Variants in CCDC88A observed in about 807,000 individuals in gnomAD.
CCDC88A encodes the protein coiled-coil and HOOK domain protein 88A.
CCDC88A carries 54 observed loss-of-function variants against 234.3 expected under a neutral mutation model. The ratio of observed to expected loss-of-function variants is 0.23; its 90% CI spans 0.19 to 0.29. The LOEUF (loss-of-function observed/expected upper bound fraction) is 0.29, where lower values mean the gene tolerates loss of function less well. Among genes scored for constraint, CCDC88A ranks in the 10% least tolerant of loss-of-function variants. CCDC88A has a pLI of 1.00. For missense variants in CCDC88A, 1,832 were observed against 2,123.4 expected, an observed-to-expected ratio of 0.86 and a Z score of 2.70; for synonymous variants, 753 against 737.8, an observed-to-expected ratio of 1.02 and a Z score of -0.33.
chr2:55,407,093 A>G (rs2104967825), intron 2 of CCDC88A, among the ~76,000 whole-genome samples: 1 of 152,268 alleles, frequency 6.6e-6, no homozygotes. Context: ...ATACACCTAT[A>G]GTCCCAGCTA....
chr2:55,355,166 C>T (rs3975804), intron 8 of CCDC88A, among the ~76,000 whole-genome samples: 10,143 of 151,802 alleles, frequency 0.067, 1,089 homozygotes, highest in African/African-American at 0.22. Context: ...TAGTATAATG[C>T]GAAGAACTCA....
At chr2:55,325,807 T>C (rs1466378175) in intron 17 of CCDC88A, among the ~76,000 whole-genome samples, 1 of 152,232 alleles carries the variant, frequency 6.6e-6, no homozygotes, top group Non-Finnish European at 1.5e-5. Flanking sequence ...ATCTCTGTTA[T>C]TAGGTGCATA....
At chr2:55,355,893 T>C (rs1670506972) in intron 7 of CCDC88A, 142 bp from the exon 8 acceptor site, 1 of 597,264 alleles carries the variant, frequency 1.7e-6, no homozygotes, top group Non-Finnish European at 2.8e-6. Context: ...TCATATTTAG[T>C]TGTCATTCTT....
chr2:55,344,597 C>T, intron 10 of CCDC88A, 83 bp from the exon 11 acceptor site: 2 of 760,542 alleles, frequency 2.6e-6, no homozygotes, highest in Non-Finnish European at 3.9e-6. Flanking sequence ...AAACATTAAG[C>T]CATCTTTATC....
chr2:55,355,465 T>A (rs201218483), intron 8 of CCDC88A, 114 bp downstream of exon 8: 1 of 879,618 alleles, frequency 1.1e-6, no homozygotes, highest in Non-Finnish European at 1.8e-6. Context: ...TTTTTCTCAT[T>A]TACTTGTGAA....
At chr2:55,380,292 G>A (rs1372764438) in intron 3 of CCDC88A, among the ~76,000 whole-genome samples, 2 of 151,950 alleles carry the variant, frequency 1.3e-5, no homozygotes, top group Admixed American at 6.6e-5. Context: ...ATTGGTGGAG[G>A]TGGAGATGAG....
chr2:55,411,204 T>C (rs1680426666), intron 2 of CCDC88A, among the ~76,000 whole-genome samples: 1 of 152,164 alleles, frequency 6.6e-6, no homozygotes, highest in Admixed American at 6.5e-5. Flanking sequence ...TCAAACTGTT[T>C]CATGGATCCT....
chr2:55,362,471 A>C (rs780771681), intron 6 of CCDC88A, 23 bp from the exon 7 acceptor site: 1 of 1,589,994 alleles, frequency 6.3e-7, no homozygotes, highest in Non-Finnish European at 8.5e-7. Context: ...GACCAAAATA[A>C]ACAACCAAAA....
In CCDC88A at chr2:55,322,529, T is replaced by C. The variant is rs945804470; in HGVS notation, c.3161A>G (p.Asn1054Ser). 59 of 1,557,778 alleles carry C rather than the reference T, an allele frequency of 3.8e-5. No homozygotes were observed. Among genetic ancestry groups the C allele is most frequent in the Non-Finnish European group, 5.1e-5 (58 of 1,139,488 alleles). ...CTACTAAAATTTAAAAATACTTACATTTCTTTCTACTTCAATTAATCTGTC... is the reference window on the plus strand; with the variant it reads ...CTACTAAAATTTAAAAATACTTACACTTCTTTCTACTTCAATTAATCTGTC... ...VKDRLIEVERNNATLQAEKQA... is the reference protein window; with the variant it reads ...VKDRLIEVERSNATLQAEKQA... Residue 1054 changes from asparagine (N) to serine (S), a missense_variant and splice_region_variant, in exon 18 of 33, where the codon AAT becomes AGT. Physicochemically the swap from Asn to Ser is conservative, Grantham distance 46. Coordinates refer to ENST00000436346, the MANE Select transcript of CCDC88A (RefSeq NM_001365480.1).
At chr2:55,378,660 T>C (rs1674085451) in intron 3 of CCDC88A, among the ~76,000 whole-genome samples, 1 of 152,182 alleles carries the variant, frequency 6.6e-6, no homozygotes, top group African/African-American at 2.4e-5. Flanking sequence ...ATTATACAAA[T>C]TTTTAAAAAG....
chr2:55,391,008 T>C (rs1279880638), intron 2 of CCDC88A, among the ~76,000 whole-genome samples: 1 of 152,154 alleles, frequency 6.6e-6, no homozygotes, highest in Non-Finnish European at 1.5e-5. Context: ...AAGAAAATTT[T>C]GGCTAAACAC....
chr2:55,377,464 T>TC (rs1019892885), intron 3 of CCDC88A, among the ~76,000 whole-genome samples: 23 of 151,764 alleles, frequency 1.5e-4, no homozygotes, highest in Admixed American at 1.0e-3. Flanking sequence ...AGCGAGATTT[T>TC]TTTTTTAAAT....
At chr2:55,302,208 T>A in intron 26 of CCDC88A, 136 bp from the exon 27 acceptor site, 2 of 668,602 alleles carry the variant, frequency 3.0e-6, no homozygotes, top group Non-Finnish European at 5.1e-6. Context: ...CACATGGTCA[T>A]TTAAATTATG....
chr2:55,301,571 T>C, intron 27 of CCDC88A: 1 of 513,216 alleles, frequency 1.9e-6, no homozygotes, highest in South Asian at 2.7e-5. Flanking sequence ...GAAGTTGTAG[T>C]GCTTTTAGTT....
Position 55,388,884 on chromosome 2 carries a change from T to C in CCDC88A, c.167A>G (p.Asn56Ser), listed in dbSNP as rs773570425. The C allele has an allele frequency of 8.2e-7, 1 of 1,218,386 alleles. No individual in the cohort carries two copies. The highest frequency in any genetic ancestry group is 1.4e-5 in the South Asian group (1 of 70,402). The allele number at this position is 1,218,386 out of a possible 1,614,324, so 75.5% of individuals were successfully genotyped here. ...TACTCTCTGACTCTCCAATTTAGGA[T>C]TACTGTAAGAAATACAAAAATACTT... The part of the protein sequence containing the change: ...VFLNQVMLQI[N>S]PKLESQRVNK... The change falls in exon 3 of 33, where the codon AAT becomes AGT. Residue 56 changes from asparagine (N) to serine (S), a missense_variant and splice_region_variant. Asn to Ser is a conservative substitution (Grantham distance 46). Around this residue, in one of 6 missense-constraint regions of CCDC88A, gnomAD observed 84 missense variants for 80.9 expected, o/e 1.04. Transcript: ENST00000436346.
chr2:55,377,194 C>CTTTT (rs11443883), intron 3 of CCDC88A, among the ~76,000 whole-genome samples: 6 of 115,026 alleles, frequency 5.2e-5, no homozygotes, highest in African/African-American at 1.0e-4. Flanking sequence ...TCACTATAGA[C>CTTTT]TTTTTTTTTT....
At chr2:55,407,322 G>C (rs1679754856) in intron 2 of CCDC88A, among the ~76,000 whole-genome samples, 1 of 151,990 alleles carries the variant, frequency 6.6e-6, no homozygotes, top group African/African-American at 2.4e-5. Flanking sequence ...AAAAAGTTAT[G>C]GGCTGGGCAA....
rs1668263590 is a variant in CCDC88A at position 55,339,858 on chromosome 2, G to T, written c.1334-210C>A. On this transcript the variant is annotated intron_variant, in intron 12 of 32. Transcript: ENST00000436346. Reference sequence around the variant, plus strand: ...TTTTTCTTTTTTTTAAAGAGACGGGGTCTCTCTCTGTCACCCAGGCTGGAG... The same window carrying T: ...TTTTTCTTTTTTTTAAAGAGACGGGTTCTCTCTCTGTCACCCAGGCTGGAG... 3.5e-5 allele frequency: 14 copies of T among 402,768 alleles called. No individual in the cohort carries two copies. The East Asian group carries it at 6.3e-4, about 18-fold the overall frequency. 24.9% of individuals were successfully genotyped at this position (402,768 alleles called of 1,614,324 possible).
At chr2:55,356,970 A>T (rs1670663760) in intron 7 of CCDC88A, among the ~76,000 whole-genome samples, 1 of 152,316 alleles carries the variant, frequency 6.6e-6, no homozygotes, top group African/African-American at 2.4e-5. Context: ...AAGTGCACAC[A>T]GTCATTACTG....
Sources: allele counts gnomAD v4.1 joint callset (sites outside exome capture counted in the v4.1 genomes callset), GRCh38; gene constraint gnomAD v4.1.1; regional missense constraint gnomAD v4.1.1; transcripts MANE v1.5; gene names NCBI Gene and HGNC (gene_info 2026-07-23, HGNC 2026-07-21).